WNK2: variants seen among roughly 807,000 people sequenced by gnomAD.
The protein encoded by WNK2 is WNK lysine deficient protein kinase 2, also known as serine/threonine-protein kinase WNK2.
WNK2 carries 67 observed loss-of-function variants against 192.1 expected under a neutral mutation model. The observed-to-expected ratio is 0.35, with a 90% CI of 0.29 to 0.43. WNK2 has a LOEUF of 0.43. Ranked by LOEUF, WNK2 falls within the 20% of genes least tolerant of loss-of-function variation. The pLI, the probability that WNK2 is intolerant of heterozygous loss-of-function variation, is 1.00. For synonymous variants in WNK2, 1,439 were observed against 1,393.9 expected, an observed-to-expected ratio of 1.03 and a Z score of -0.72; for missense variants, 2,698 against 3,089.7, an observed-to-expected ratio of 0.87 and a Z score of 3.01.
In WNK2 at chr9:93,306,832, G is replaced by A. The variant is rs186537291; in HGVS notation, c.6259+11G>A. The stretch of plus-strand genomic sequence containing the variant: ...AAGAACACAGCAGTAGTAATTATCC[G>A]GGTTTTTTCCCCTTTGTCCTCTCTC... On this transcript the variant is annotated intron_variant, in intron 27 of 29. Coordinates refer to ENST00000427277, the MANE Select transcript of WNK2 (RefSeq NM_006648.4). 27 of 1,613,946 alleles carry A rather than the reference G, an allele frequency of 1.7e-5. No individual in the cohort carries two copies. Among genetic ancestry groups the A allele is most frequent in the South Asian group, 2.2e-5 (2 of 91,096 alleles).
intron 8 of WNK2, among the ~76,000 whole-genome samples, chr9:93,249,822 A>G (rs1842286058): frequency 6.6e-6 from 1 of 151,746 alleles, no homozygotes; most frequent in African/African-American, 2.4e-5. Context: ...AAAGTAGGTA[A>G]TATAGCCACA....
In WNK2 at chr9:93,290,053, A is replaced by G; in HGVS notation, c.4936+6A>G. On this transcript the variant is annotated splice_donor_region_variant and intron_variant, in intron 21 of 29. Coordinates refer to ENST00000427277, the MANE Select transcript of WNK2 (RefSeq NM_006648.4). ...CACGTCCTCGTCAATGACAGGTAACAGCTTCCTGCTGAACCCTGCGTTCAC... is the reference window on the plus strand; with the variant it reads ...CACGTCCTCGTCAATGACAGGTAACGGCTTCCTGCTGAACCCTGCGTTCAC... 1 of 1,562,506 alleles carries G rather than the reference A, an allele frequency of 6.4e-7. No individual in the cohort carries two copies. Among genetic ancestry groups the G allele is most frequent in the Non-Finnish European group, 8.7e-7 (1 of 1,152,792 alleles).
At chr9:93,230,857 C>A (rs1235811315) in intron 3 of WNK2, 31 bp from the exon 4 acceptor site, 5 of 1,595,756 alleles carry the variant, frequency 3.1e-6, no homozygotes, top group Admixed American at 3.5e-5. Flanking sequence ...CGGCGAGCTG[C>A]TTGGTGAGCT....
At chr9:93,295,421 A>G (rs1850094090) in intron 23 of WNK2, among the ~76,000 whole-genome samples, 1 of 151,936 alleles carries the variant, frequency 6.6e-6, no homozygotes, top group African/African-American at 2.4e-5. Flanking sequence ...TTATTTATTT[A>G]TTTTGTTTAG....
chr9:93,263,338 T>C, intron 14 of WNK2: 1 of 590,662 alleles, frequency 1.7e-6, no homozygotes, highest in South Asian at 2.0e-5. Context: ...ACGCAGCTAG[T>C]AGCTAGGAAG....
rs1304374134 is a variant in WNK2, at chr9:93,291,046, G to T, written c.4936+999G>T. ...TCCCAGGCCACATTTATTTCTAGAC[G>T]CCAGACTTTAAGAGGGGTCGGGGCA... is the stretch of plus-strand genomic sequence containing the variant. On this transcript the variant is annotated intron_variant, in intron 21 of 29. Coordinates refer to ENST00000427277, the MANE Select transcript of WNK2 (RefSeq NM_006648.4). Among the ~76,000 whole-genome samples the T allele has an allele frequency of 2.0e-5, 3 of 152,310 alleles. No individual in the cohort carries two copies. The East Asian group carries it at 5.8e-4, about 29-fold the overall frequency.
At position 93,201,795 on chromosome 9, in the gene WNK2, A is replaced by G. The variant is rs116641460; in HGVS notation, c.681+16185A>G. ...GTAAATATTTGATGAAGGCAATGATAAAAAGACAAAGGCATGCTCTGTTCC... is the reference window on the plus strand; with the variant it reads ...GTAAATATTTGATGAAGGCAATGATGAAAAGACAAAGGCATGCTCTGTTCC... On this transcript the variant is annotated intron_variant, in intron 2 of 29. Transcript: ENST00000427277. Among the ~76,000 whole-genome samples the G allele has an allele frequency of 3.4e-3, 514 of 152,354 alleles. 3 individuals carry two copies. The highest frequency in any genetic ancestry group is 0.011 in the African/African-American group (455 of 41,588).
chr9:93,257,589 C>T lies in WNK2; in HGVS notation c.2382+450C>T, dbSNP rs113603090. Reference sequence around the variant, plus strand: ...CAGGATAGGAAAAGGTTTGTTAGTCCAAGGTCGTGGACAGTCCTTGAAGTG... The same window carrying T: ...CAGGATAGGAAAAGGTTTGTTAGTCTAAGGTCGTGGACAGTCCTTGAAGTG... On this transcript the variant is annotated intron_variant, in intron 11 of 29. Transcript: ENST00000427277. This position sits in a 1 kb window ranked among gnomAD's most constrained non-coding sequence, Gnocchi z 4.7. Among the ~76,000 whole-genome samples, 205 of 152,342 alleles carry T rather than the reference C, an allele frequency of 1.3e-3. 1 individual carries two copies. Among genetic ancestry groups the T allele is most frequent in the African/African-American group, 4.4e-3 (185 of 41,574 alleles).
intron 10 of WNK2, 166 bp from the exon 11 acceptor site, chr9:93,256,782 G>A (rs1159017687): frequency 4.2e-6 from 3 of 707,990 alleles, no homozygotes; most frequent in Admixed American, 6.2e-5. Flanking sequence ...GTGTCTGAAT[G>A]TGTATACGTG....
Position 93,239,125 on chromosome 9 carries a change from C to T in WNK2, c.1323-632C>T, listed in dbSNP as rs564295505. Among the ~76,000 whole-genome samples, 11 of 152,328 alleles carry T rather than the reference C, an allele frequency of 7.2e-5. No individual in the cohort carries two copies. Among genetic ancestry groups the T allele is most frequent in the African/African-American group, 2.2e-4 (9 of 41,570 alleles). On this transcript the variant is annotated intron_variant, in intron 6 of 29. Transcript: ENST00000427277. The surrounding 1 kb of genome is among the most constrained non-coding windows in gnomAD (Gnocchi z 4.2). ...TGGGTGGCCAAGCCCTGCAGAGCCC[C>T]GAAGTGGTCACCATGGCAACACCCT...
In WNK2 at chr9:93,297,935, C is replaced by A. The variant is rs753004359; in HGVS notation, c.5791C>A (p.Pro1931Thr). Residue 1931 changes from proline to threonine, a missense_variant, in exon 24 of 30, where the codon CCC becomes ACC. Pro to Thr is a conservative substitution (Grantham distance 38). This residue lies in a region of WNK2 where 1,098 missense variants were observed against 1,101.0 expected (regional missense o/e 1.00). Coordinates refer to ENST00000427277, the MANE Select transcript of WNK2 (RefSeq NM_006648.4). ...GTACCGCCGCCTGGGCAAGCCACTGCCCCCCAACGTGGGCTTCTTCCACAC... is the reference window on the plus strand; with the variant it reads ...GTACCGCCGCCTGGGCAAGCCACTGACCCCCAACGTGGGCTTCTTCCACAC... ...ALYRRLGKPL[P>T]PNVGFFHTAP... 9 of 1,589,126 alleles carry A rather than the reference C, an allele frequency of 5.7e-6. No individual in the cohort carries two copies. Among genetic ancestry groups the A allele is most frequent in the Non-Finnish European group, 7.7e-6 (9 of 1,169,074 alleles).
intron 2 of WNK2, among the ~76,000 whole-genome samples, chr9:93,188,057 T>G (rs1829668108): frequency 6.6e-6 from 1 of 152,076 alleles, no homozygotes; most frequent in Non-Finnish European, 1.5e-5. Flanking sequence ...ATTCTGGGCA[T>G]GGGGAGGGTT....
At chr9:93,320,297 G>T in intron 29 of WNK2, 70 bp from the exon 30 acceptor site, 1 of 1,364,126 alleles carries the variant, frequency 7.3e-7, no homozygotes, top group Non-Finnish European at 9.8e-7. Flanking sequence ...GAGGGTGTCA[G>T]GGCCTGGCCC....
intron 2 of WNK2, among the ~76,000 whole-genome samples, chr9:93,208,883 A>G (rs1380421818): frequency 1.3e-5 from 2 of 151,302 alleles, no homozygotes; most frequent in Admixed American, 1.3e-4. Flanking sequence ...GTGAGTATGC[A>G]TGTTCTACAA....
chr9:93,249,226 A>G (rs1842197114), intron 8 of WNK2, among the ~76,000 whole-genome samples: 1 of 152,222 alleles, frequency 6.6e-6, no homozygotes, highest in Non-Finnish European at 1.5e-5. Context: ...CTAGGATGGG[A>G]GTTTAAAAAT....
At chr9:93,298,166 G>A in intron 24 of WNK2, 99 bp downstream of exon 24, 4 of 1,305,008 alleles carry the variant, frequency 3.1e-6, no homozygotes, top group Non-Finnish European at 4.2e-6. Flanking sequence ...CCTCGGACCT[G>A]GAAGACCACT....
rs143170932 is a variant in WNK2, at chr9:93,284,654, AAAAG to A, written c.4034-4131_4034-4128del. ...GGGGAGAGGTAAAAAGGGAGAAAGAAAAAGAAGGGAAAGCAGTGGGACTGAAGAA... is the reference window on the plus strand; with the variant it reads ...GGGGAGAGGTAAAAAGGGAGAAAGAAAAGGGAAAGCAGTGGGACTGAAGAA... On this transcript the variant is annotated intron_variant, in intron 19 of 29. Transcript: ENST00000427277. Among the ~76,000 whole-genome samples the A allele has an allele frequency of 9.7e-3, 1,476 of 152,222 alleles. 13 individuals carry two copies. The highest frequency in any genetic ancestry group is 0.017 in the Non-Finnish European group (1,150 of 67,992).
intron 19 of WNK2, among the ~76,000 whole-genome samples, chr9:93,284,136 G>C (rs1481595207): frequency 6.6e-6 from 1 of 152,180 alleles, no homozygotes; most frequent in Non-Finnish European, 1.5e-5. Context: ...CTTTACCACA[G>C]ATACTTAAGT....
rs1449603275 is a variant in WNK2 at position 93,199,004 on chromosome 9, C to T, written c.681+13394C>T. Among the ~76,000 whole-genome samples the T allele has an allele frequency of 3.3e-5, 5 of 152,330 alleles. No individual in the cohort carries two copies. The East Asian group carries it at 5.8e-4, about 18-fold the overall frequency. On this transcript the variant is annotated intron_variant, in intron 2 of 29. Transcript: ENST00000427277. ...TGGCTCGGTTCGGGGTGGGTGGAGGCCTGCTCAGTCCCAGCCTGGCCCCCT... is the reference window on the plus strand; with the variant it reads ...TGGCTCGGTTCGGGGTGGGTGGAGGTCTGCTCAGTCCCAGCCTGGCCCCCT...
Sources: allele counts gnomAD v4.1 joint callset (sites outside exome capture counted in the v4.1 genomes callset), GRCh38; gene constraint gnomAD v4.1.1; regional missense constraint gnomAD v4.1.1; non-coding constraint Gnocchi (gnomAD v3.1); transcripts MANE v1.5; gene names NCBI Gene and HGNC (gene_info 2026-07-23, HGNC 2026-07-21).